The following COG5 variants were observed in gnomAD, a reference collection of about 807,000 sequenced individuals.
The protein encoded by COG5 is conserved oligomeric Golgi complex subunit 5.
In COG5, 86 loss-of-function variants were observed where a neutral mutation model predicts 110.4. That is an observed-to-expected ratio of 0.78 (90% CI 0.65 to 0.93). The LOEUF is 0.93. Ranked by LOEUF, COG5 falls within the 40% of genes least tolerant of loss-of-function variation. The pLI, the probability that COG5 is intolerant of heterozygous loss-of-function variation, is 0.00. For synonymous variants in COG5, 360 were observed against 334.6 expected (o/e 1.08, Z -0.83); for missense variants, 1,077 against 987.0 (o/e 1.09, Z -1.22).
At chr7:107,446,464 T>C (rs1269497801) in intron 6 of COG5, among the ~76,000 whole-genome samples, 1 of 152,204 alleles carries the variant, frequency 6.6e-6, no homozygotes, top group Non-Finnish European at 1.5e-5. Flanking sequence ...CAATGATCCC[T>C]GCGTCCTGGT....
chr7:107,269,711 T>C (rs1804088623), intron 14 of COG5, among the ~76,000 whole-genome samples: 1 of 152,242 alleles, frequency 6.6e-6, no homozygotes. Context: ...TATCAATGTT[T>C]TGTGCTTATT....
intron 14 of COG5, among the ~76,000 whole-genome samples, chr7:107,270,012 T>C (rs189225212): frequency 3.2e-4 from 49 of 152,340 alleles, no homozygotes; most frequent in African/African-American, 1.2e-3. Context: ...GGTATCACTT[T>C]ATGGCGGTAT....
At chr7:107,377,941 A>C (rs1814768809) in intron 7 of COG5, among the ~76,000 whole-genome samples, 1 of 152,102 alleles carries the variant, frequency 6.6e-6, no homozygotes, top group Non-Finnish European at 1.5e-5. Context: ...CGGCCTCCTC[A>C]AGTAGGTTCC....
chr7:107,511,015 G>C (rs1324720745), intron 6 of COG5, among the ~76,000 whole-genome samples: 1 of 151,504 alleles, frequency 6.6e-6, no homozygotes, highest in Admixed American at 6.6e-5. Flanking sequence ...ACATTCAAAA[G>C]CTAGCAGAAG....
intron 12 of COG5, among the ~76,000 whole-genome samples, chr7:107,297,021 C>T (rs1806805284): frequency 6.6e-6 from 1 of 152,130 alleles, no homozygotes; most frequent in African/African-American, 2.4e-5. Context: ...GCTGGGCGGG[C>T]TAAACTTGCT....
chr7:107,485,722 T>C (rs775141329), intron 6 of COG5, among the ~76,000 whole-genome samples: 2 of 152,192 alleles, frequency 1.3e-5, no homozygotes, highest in Non-Finnish European at 2.9e-5. Context: ...TAGCCCTCAC[T>C]TAATGCCAAA....
intron 8 of COG5, among the ~76,000 whole-genome samples, chr7:107,363,156 C>A (rs1229644986): frequency 1.3e-5 from 2 of 152,122 alleles, no homozygotes; most frequent in African/African-American, 4.8e-5. Context: ...CCCACTCTAT[C>A]CACTGGAAAG....
chr7:107,536,451 T>G (rs1216319004), intron 5 of COG5, among the ~76,000 whole-genome samples: 1 of 152,124 alleles, frequency 6.6e-6, no homozygotes, highest in African/African-American at 2.4e-5. Flanking sequence ...TGTGCAAAAA[T>G]CACAAGCATT....
intron 10 of COG5, among the ~76,000 whole-genome samples, chr7:107,357,759 C>G (rs1238870903): frequency 2.0e-5 from 3 of 152,118 alleles, no homozygotes; most frequent in Admixed American, 2.0e-4. Flanking sequence ...ACCTTGAACT[C>G]CTAGGCTCAA....
chr7:107,265,771 T>A (rs1367915455), intron 14 of COG5, among the ~76,000 whole-genome samples: 1 of 152,144 alleles, frequency 6.6e-6, no homozygotes, highest in Admixed American at 6.5e-5. Context: ...ATAGTTTGTA[T>A]AGGCTGGGCA....
chr7:107,254,382 C>T (rs1802733066), intron 16 of COG5, among the ~76,000 whole-genome samples: 1 of 150,736 alleles, frequency 6.6e-6, no homozygotes, highest in Non-Finnish European at 1.5e-5. Flanking sequence ...TATTCTAAGT[C>T]AGGTTTTTTT....
At chr7:107,494,474 A>G (rs1315848724) in intron 6 of COG5, among the ~76,000 whole-genome samples, 8 of 152,202 alleles carry the variant, frequency 5.3e-5, no homozygotes, top group Admixed American at 5.2e-4. Flanking sequence ...CCTTAGCATA[A>G]TATGTCACCT....
intron 19 of COG5, among the ~76,000 whole-genome samples, chr7:107,226,623 G>T (rs1800358723): frequency 6.6e-6 from 1 of 152,194 alleles, no homozygotes. Flanking sequence ...TCCCAACAAT[G>T]GTGCGGGGCA....
intron 7 of COG5, among the ~76,000 whole-genome samples, chr7:107,407,702 G>C (rs891846587): frequency 2.0e-5 from 3 of 151,006 alleles, no homozygotes; most frequent in Non-Finnish European, 4.4e-5. Flanking sequence ...AGGCTATTTG[G>C]GGAAGTTAAG....
intron 18 of COG5, among the ~76,000 whole-genome samples, chr7:107,231,926 C>A (rs1219479973): frequency 6.6e-6 from 1 of 152,108 alleles, no homozygotes; most frequent in East Asian, 1.9e-4. Context: ...CATATATAAA[C>A]ACACATACAT....
intron 10 of COG5, among the ~76,000 whole-genome samples, chr7:107,359,906 A>AG (rs1422996576): frequency 6.7e-6 from 1 of 148,990 alleles, no homozygotes; most frequent in Admixed American, 6.6e-5. Context: ...ACATACATCA[A>AG]GGTGACCTGC....
intron 7 of COG5, among the ~76,000 whole-genome samples, chr7:107,399,485 C>T (rs189266443): frequency 6.6e-6 from 1 of 152,018 alleles, no homozygotes; most frequent in African/African-American, 2.4e-5. Context: ...TTATAATGGG[C>T]TCTTTCCCCT....
chr7:107,429,968 T>C (rs1227425439), intron 6 of COG5, among the ~76,000 whole-genome samples: 3 of 152,188 alleles, frequency 2.0e-5, no homozygotes, highest in Non-Finnish European at 4.4e-5. Flanking sequence ...GTTGTCTTTT[T>C]TGAGTTGTAA....
chr7:107,391,182 T>A (rs1354839006), intron 7 of COG5, among the ~76,000 whole-genome samples: 1 of 152,112 alleles, frequency 6.6e-6, no homozygotes, highest in East Asian at 1.9e-4. Flanking sequence ...GCTGAATAAA[T>A]GCCCGGAAGG....
Sources: allele counts gnomAD v4.1 joint callset (sites outside exome capture counted in the v4.1 genomes callset), GRCh38; gene constraint gnomAD v4.1.1; transcripts MANE v1.5; gene names NCBI Gene and HGNC (gene_info 2026-07-23, HGNC 2026-07-21).